OPCML: variants seen among roughly 807,000 people sequenced by gnomAD.
The protein encoded by OPCML is opioid-binding protein/cell adhesion molecule.
A neutral mutation model predicts 37.8 loss-of-function variants in OPCML; 13 were observed. That is an observed-to-expected ratio of 0.34 (90% CI 0.22 to 0.55). OPCML has a LOEUF of 0.55. Among genes scored for constraint, OPCML ranks in the 20% least tolerant of loss-of-function variants. The pLI is 0.91. For missense variants in OPCML, 341 were observed against 435.6 expected (o/e 0.78, Z 1.93); for synonymous variants, 176 against 168.8 (o/e 1.04, Z -0.33).
intron 4 of OPCML, among the ~76,000 whole-genome samples, chr11:132,484,475 G>A (rs1470127315): frequency 3.3e-5 from 5 of 152,198 alleles, no homozygotes; most frequent in African/African-American, 4.8e-5. Context: ...TGGTGGGACT[G>A]TAAACTAGTT....
At chr11:133,257,787 G>T (rs574657707) in intron 1 of OPCML, among the ~76,000 whole-genome samples, 1 of 151,738 alleles carries the variant, frequency 6.6e-6, no homozygotes, top group South Asian at 2.1e-4. Flanking sequence ...CATTTATTGA[G>T]CATCTAGTCT....
intron 1 of OPCML, among the ~76,000 whole-genome samples, chr11:132,980,967 C>T (rs1412130526): frequency 1.3e-5 from 2 of 152,190 alleles, no homozygotes; most frequent in Non-Finnish European, 2.9e-5. Flanking sequence ...TTACACAAAC[C>T]TATAGGCTAT....
At chr11:133,527,065 G>T (rs968075327) in intron 1 of OPCML, among the ~76,000 whole-genome samples, 1 of 152,154 alleles carries the variant, frequency 6.6e-6, no homozygotes, top group African/African-American at 2.4e-5. Flanking sequence ...GCAGCTGCAG[G>T]CAGATGGCAA....
At chr11:132,680,276 C>T (rs1203907987) in intron 2 of OPCML, among the ~76,000 whole-genome samples, 1 of 152,192 alleles carries the variant, frequency 6.6e-6, no homozygotes, top group Non-Finnish European at 1.5e-5. Context: ...GCCCTCTCAT[C>T]AACTCACATC....
chr11:132,686,586 G>A (rs2135871463), intron 2 of OPCML, among the ~76,000 whole-genome samples: 1 of 152,258 alleles, frequency 6.6e-6, no homozygotes, highest in East Asian at 1.9e-4. Context: ...GGGTTCTCTG[G>A]AACCAAAGTA....
intron 1 of OPCML, among the ~76,000 whole-genome samples, chr11:133,106,042 G>A (rs1949152976): frequency 6.6e-6 from 1 of 151,910 alleles, no homozygotes; most frequent in Non-Finnish European, 1.5e-5. Context: ...GTTCAATGGT[G>A]CCATTTTTAA....
chr11:132,717,467 A>C (rs537537825), intron 2 of OPCML, among the ~76,000 whole-genome samples: 1 of 152,214 alleles, frequency 6.6e-6, no homozygotes, highest in Non-Finnish European at 1.5e-5. Context: ...TGCAAACATC[A>C]CTGCCACTAT....
In OPCML at chr11:133,163,594, T is replaced by A. The variant is rs375695444; in HGVS notation, c.62-220584A>T. On this transcript the variant is annotated intron_variant, in intron 1 of 7. Coordinates refer to ENST00000524381, the MANE Select transcript of OPCML (RefSeq NM_001012393.5). ...TCTTCCTGACAATCTCAGTATATGG[T>A]GTATACCACAGCCTCTTCTCCGTCT... 8.2e-4 allele frequency among the ~76,000 whole-genome samples: 125 copies of A among 152,320 alleles called. 5 individuals carry two copies. In the South Asian group the frequency reaches 0.025, roughly 31 times the overall value.
chr11:132,622,550 G>T (rs1939487085), intron 3 of OPCML, among the ~76,000 whole-genome samples: 1 of 152,186 alleles, frequency 6.6e-6, no homozygotes, highest in African/African-American at 2.4e-5. Context: ...GCCAGTGGGA[G>T]TCGAGCCTGA....
At chr11:133,247,602 T>C (rs1352352400) in intron 1 of OPCML, among the ~76,000 whole-genome samples, 1 of 148,494 alleles carries the variant, frequency 6.7e-6, no homozygotes, top group Non-Finnish European at 1.5e-5. Context: ...TTTCTTTCTT[T>C]CTTTCTTTCT....
intron 2 of OPCML, chr11:132,859,490 T>C (rs1010588912): frequency 6.6e-6 from 1 of 150,746 alleles, no homozygotes; most frequent in Non-Finnish European, 1.5e-5. Flanking sequence ...TGAAATGCAT[T>C]CTTCAGTAAT....
intron 3 of OPCML, among the ~76,000 whole-genome samples, chr11:132,621,858 A>G (rs1479290310): frequency 6.6e-6 from 1 of 152,166 alleles, no homozygotes; most frequent in African/African-American, 2.4e-5. Flanking sequence ...AGAGCACAAA[A>G]ACCCATAGCT....
intron 3 of OPCML, among the ~76,000 whole-genome samples, chr11:132,550,812 A>C (rs1390621628): frequency 1.3e-5 from 2 of 152,342 alleles, no homozygotes; most frequent in East Asian, 3.9e-4. Context: ...ATATTTGTGA[A>C]CTGGGTGGAT....
At chr11:132,438,478 G>T (rs898007697) in intron 4 of OPCML, among the ~76,000 whole-genome samples, 4 of 152,218 alleles carry the variant, frequency 2.6e-5, no homozygotes, top group Admixed American at 2.6e-4. Flanking sequence ...AGGTGTCTGT[G>T]GAGGGGGTGG....
intron 4 of OPCML, among the ~76,000 whole-genome samples, chr11:132,447,298 G>A (rs1305126700): frequency 6.6e-6 from 1 of 152,034 alleles, no homozygotes; most frequent in Non-Finnish European, 1.5e-5. Context: ...TCTTCCCAAT[G>A]TACTTTGTTT....
chr11:132,866,295 G>A (rs11223255), intron 2 of OPCML, among the ~76,000 whole-genome samples: 10,479 of 152,192 alleles, frequency 0.069, 465 homozygotes, highest in East Asian at 0.14. Context: ...GTGAAGCTAG[G>A]GATTCTGCCA....
At chr11:133,394,230 A>C (rs1299084857) in intron 1 of OPCML, among the ~76,000 whole-genome samples, 1 of 151,906 alleles carries the variant, frequency 6.6e-6, no homozygotes, top group East Asian at 1.9e-4. Flanking sequence ...TAACAAAAAT[A>C]CTCTCCCACA....
rs747901230 is a variant in OPCML, at chr11:132,526,420, T to C, written c.505+2641A>G. 6.4e-4 allele frequency among the ~76,000 whole-genome samples: 97 copies of C among 152,194 alleles called. 2 individuals carry two copies. Among genetic ancestry groups the C allele is most frequent in the Non-Finnish European group, 2.4e-4 (16 of 68,016 alleles). On this transcript the variant is annotated intron_variant, in intron 4 of 7. Coordinates refer to ENST00000524381, the MANE Select transcript of OPCML (RefSeq NM_001012393.5). ...GCTCTGTTTATATTAAATTTGAGTT[T>C]TGCGATATCCCTTACATATACTTTA...
intron 1 of OPCML, among the ~76,000 whole-genome samples, chr11:133,433,251 C>CAAAAAAAAAAAAAAAAAAAAAAA (rs71477795): frequency 1.9e-4 from 17 of 90,716 alleles, no homozygotes; most frequent in African/African-American, 6.4e-4. Flanking sequence ...GACTCCGTCT[C>CAAAAAAAAAAAAAAAAAAAAAAA]AAAAAAAAAA....
Sources: allele counts gnomAD v4.1 joint callset (sites outside exome capture counted in the v4.1 genomes callset), GRCh38; gene constraint gnomAD v4.1.1; transcripts MANE v1.5; gene names NCBI Gene and HGNC (gene_info 2026-07-23, HGNC 2026-07-21).